TENM4: variants seen among roughly 807,000 people sequenced by gnomAD.
TENM4 encodes teneurin-4.
TENM4 carries 82 observed loss-of-function variants against 243.3 expected under a neutral mutation model. The observed-to-expected ratio is 0.34, with a 90% CI of 0.28 to 0.40. The LOEUF is 0.40. TENM4 is among the 10% of genes least tolerant of loss of function. The pLI is 1.00. For missense variants in TENM4, 3,138 were observed against 3,673.3 expected, an observed-to-expected ratio of 0.85 and a Z score of 3.77; for synonymous variants, 1,412 against 1,456.3, an observed-to-expected ratio of 0.97 and a Z score of 0.69.
At chr11:79,323,168 T>C (rs375963390) in intron 1 of TENM4, among the ~76,000 whole-genome samples, 1 of 152,256 alleles carries the variant, frequency 6.6e-6, no homozygotes, top group Non-Finnish European at 1.5e-5. Flanking sequence ...AAATTTGCTA[T>C]AATGAAATTA....
intron 9 of TENM4, among the ~76,000 whole-genome samples, chr11:78,863,686 C>T (rs1340442616): frequency 1.3e-5 from 2 of 152,194 alleles, no homozygotes; most frequent in African/African-American, 4.8e-5. Context: ...TGAAAATACA[C>T]TATATTGGCA....
At chr11:78,791,581 A>T (rs895260693) in intron 15 of TENM4, among the ~76,000 whole-genome samples, 4 of 152,218 alleles carry the variant, frequency 2.6e-5, no homozygotes, top group African/African-American at 9.6e-5. Context: ...TGGGCACTGG[A>T]GATCCCATGG....
intron 1 of TENM4, among the ~76,000 whole-genome samples, chr11:79,407,881 A>G (rs1240373245): frequency 6.6e-6 from 1 of 151,870 alleles, no homozygotes; most frequent in Non-Finnish European, 1.5e-5. Flanking sequence ...GTGGAACCTG[A>G]AGATTTGCAT....
chr11:78,874,073 T>G (rs1477574096), intron 9 of TENM4, among the ~76,000 whole-genome samples: 1 of 152,076 alleles, frequency 6.6e-6, no homozygotes, highest in Non-Finnish European at 1.5e-5. Context: ...CCATAAACAC[T>G]GCCCTCATGG....
At chr11:79,087,445 A>G (rs1301898620) in intron 4 of TENM4, among the ~76,000 whole-genome samples, 1 of 152,246 alleles carries the variant, frequency 6.6e-6, no homozygotes, top group African/African-American at 2.4e-5. Context: ...GAGCAGAAAC[A>G]TGCTGCATGG....
intron 7 of TENM4, among the ~76,000 whole-genome samples, chr11:78,894,979 TAAAAAA>T (rs67819510): frequency 1.7e-5 from 1 of 59,468 alleles, no homozygotes; most frequent in Non-Finnish European, 3.5e-5. Flanking sequence ...GACTCGGCCT[TAAAAAA>T]AAAAAAAAAA....
chr11:79,212,108 A>T (rs1483605125), intron 3 of TENM4, among the ~76,000 whole-genome samples: 1 of 152,246 alleles, frequency 6.6e-6, no homozygotes, highest in Non-Finnish European at 1.5e-5. Context: ...CCATAACTCT[A>T]ATGTGAACTT....
chr11:79,035,744 C>T (rs1859359976), intron 6 of TENM4, among the ~76,000 whole-genome samples: 1 of 152,146 alleles, frequency 6.6e-6, no homozygotes, highest in South Asian at 2.1e-4. Context: ...TTACTTTTAT[C>T]TTTCCTACTT....
At chr11:78,859,176 T>C (rs541169001) in intron 10 of TENM4, among the ~76,000 whole-genome samples, 2 of 152,196 alleles carry the variant, frequency 1.3e-5, no homozygotes, top group Admixed American at 1.3e-4. Context: ...CCAAGGCCCA[T>C]TAAAAAACTT....
chr11:78,843,787 C>G (rs1858317972), intron 12 of TENM4, among the ~76,000 whole-genome samples: 1 of 152,168 alleles, frequency 6.6e-6, no homozygotes, highest in Non-Finnish European at 1.5e-5. Context: ...AATCTAGCAG[C>G]CTTGGGATGC....
At chr11:78,985,410 G>A (rs1857894204) in intron 6 of TENM4, among the ~76,000 whole-genome samples, 1 of 152,164 alleles carries the variant, frequency 6.6e-6, no homozygotes, top group Non-Finnish European at 1.5e-5. Context: ...CTAATAATGT[G>A]TGCTTCTCCA....
intron 19 of TENM4, among the ~76,000 whole-genome samples, chr11:78,748,145 T>G (rs1365707755): frequency 6.6e-6 from 1 of 152,246 alleles, no homozygotes; most frequent in Non-Finnish European, 1.5e-5. Context: ...AAAACCTGTA[T>G]GTATACTAAT....
At chr11:79,300,202 C>T (rs1403443457) in intron 1 of TENM4, among the ~76,000 whole-genome samples, 1 of 152,140 alleles carries the variant, frequency 6.6e-6, no homozygotes, top group East Asian at 1.9e-4. Flanking sequence ...AAAAACTCAC[C>T]TAACACCATC....
intron 1 of TENM4, among the ~76,000 whole-genome samples, chr11:79,395,534 C>A (rs774744713): frequency 6.6e-6 from 1 of 152,178 alleles, no homozygotes; most frequent in Non-Finnish European, 1.5e-5. Context: ...CCCACTCAAT[C>A]GGTCACCAGC....
intron 6 of TENM4, among the ~76,000 whole-genome samples, chr11:78,933,423 A>G (rs1856714238): frequency 6.6e-6 from 1 of 152,198 alleles, no homozygotes; most frequent in Non-Finnish European, 1.5e-5. Flanking sequence ...TATCTACTTC[A>G]TAGATCCTCA....
intron 15 of TENM4, among the ~76,000 whole-genome samples, chr11:78,797,216 G>C (rs1343518365): frequency 6.6e-6 from 1 of 152,200 alleles, no homozygotes; most frequent in Non-Finnish European, 1.5e-5. Context: ...AAGTTCTCTG[G>C]ACCCTGGTTT....
chr11:79,029,364 C>T (rs924773398), intron 6 of TENM4, among the ~76,000 whole-genome samples: 11 of 152,118 alleles, frequency 7.2e-5, no homozygotes, highest in Admixed American at 3.3e-4. Flanking sequence ...TTCTGGGAGC[C>T]GAATAACCAA....
At chr11:78,860,451 C>T (rs77427688) in intron 10 of TENM4, among the ~76,000 whole-genome samples, 2,182 of 152,306 alleles carry the variant, frequency 0.014, 43 homozygotes, top group African/African-American at 0.05. Flanking sequence ...CACCACATTG[C>T]TTTCTCCATC....
chr11:79,042,353 T>C (rs993362919), intron 6 of TENM4, among the ~76,000 whole-genome samples: 2 of 152,196 alleles, frequency 1.3e-5, no homozygotes, highest in East Asian at 3.9e-4. Flanking sequence ...CACAAATTCA[T>C]ATGCTAATAC....
Sources: gnomAD v4.1 joint callset for allele counts (sites outside exome capture counted in the v4.1 genomes callset) on GRCh38, gnomAD v4.1.1 for gene constraint, MANE v1.5 for transcripts, NCBI Gene and HGNC (gene_info 2026-07-23, HGNC 2026-07-21) for gene names.